TRIM9: variants seen among roughly 807,000 people sequenced by gnomAD.
TRIM9 encodes E3 ubiquitin-protein ligase TRIM9.
TRIM9 carries 26 observed loss-of-function variants against 78.3 expected under a neutral mutation model. The ratio of observed to expected loss-of-function variants is 0.33; its 90% CI spans 0.24 to 0.46. The LOEUF (loss-of-function observed/expected upper bound fraction) is 0.46, where lower values mean the gene tolerates loss of function less well. TRIM9 is among the 20% of genes least tolerant of loss of function. The probability of loss-of-function intolerance (pLI) is 1.00; values close to 1 mark genes in which losing one functional copy is unlikely to be tolerated. For missense variants in TRIM9, 787 were observed against 1,036.4 expected, an observed-to-expected ratio of 0.76 and a Z score of 3.30; for synonymous variants, 398 against 416.5, an observed-to-expected ratio of 0.96 and a Z score of 0.54.
intron 1 of TRIM9, among the ~76,000 whole-genome samples, chr14:51,062,472 A>G (rs937931011): frequency 1.3e-4 from 20 of 152,342 alleles, no homozygotes; most frequent in African/African-American, 4.1e-4. Flanking sequence ...ATAAGTATCA[A>G]TTATAAACCC....
At chr14:51,018,870 T>C (rs2057475823) in intron 3 of TRIM9, among the ~76,000 whole-genome samples, 1 of 152,208 alleles carries the variant, frequency 6.6e-6, no homozygotes, top group African/African-American at 2.4e-5. Flanking sequence ...TCAAAGGTAA[T>C]CAAGAAAATA....
intron 1 of TRIM9, among the ~76,000 whole-genome samples, chr14:51,052,745 G>A (rs1362478653): frequency 1.3e-5 from 2 of 152,132 alleles, no homozygotes; most frequent in Non-Finnish European, 2.9e-5. Flanking sequence ...TTTGACTCCA[G>A]ACACAGACGT....
At chr14:50,977,629 C>G (rs113125682) in intron 12 of TRIM9, among the ~76,000 whole-genome samples, 2 of 152,158 alleles carry the variant, frequency 1.3e-5, no homozygotes, top group African/African-American at 4.8e-5. Context: ...TTCCTTATAA[C>G]TGAAGACACA....
chr14:51,054,790 C>T (rs547594487), intron 1 of TRIM9, among the ~76,000 whole-genome samples: 12 of 151,994 alleles, frequency 7.9e-5, no homozygotes, highest in Non-Finnish European at 1.5e-4. Context: ...CCACCTGCCT[C>T]GGCCTCCCAA....
chr14:51,014,253 T>C (rs2056902639), intron 3 of TRIM9, among the ~76,000 whole-genome samples: 1 of 152,188 alleles, frequency 6.6e-6, no homozygotes, highest in South Asian at 2.1e-4. Context: ...CTGAAGGAGC[T>C]ATCTGAGTGC....
chr14:51,024,133 A>G (rs1057363665), intron 2 of TRIM9, among the ~76,000 whole-genome samples: 13 of 152,194 alleles, frequency 8.5e-5, no homozygotes, highest in African/African-American at 3.1e-4. Context: ...CATGCAGGGT[A>G]ATATTGGAGG....
At chr14:51,072,464 C>T (rs1415718461) in intron 1 of TRIM9, among the ~76,000 whole-genome samples, 1 of 152,012 alleles carries the variant, frequency 6.6e-6, no homozygotes, top group African/African-American at 2.4e-5. Flanking sequence ...AGACAGCTTA[C>T]ACAATACATA....
At chr14:51,020,881 T>C (rs1230000285) in intron 3 of TRIM9, among the ~76,000 whole-genome samples, 2 of 152,226 alleles carry the variant, frequency 1.3e-5, no homozygotes, top group African/African-American at 4.8e-5. Flanking sequence ...ACCATCACCA[T>C]GTGACTGTCG....
At chr14:50,986,530 A>G (rs935816885) in intron 7 of TRIM9, 2 of 156,350 alleles carry the variant, frequency 1.3e-5, no homozygotes, top group African/African-American at 4.8e-5. Flanking sequence ...GGGAGTTACT[A>G]CCTATTCAAC....
Position 50,982,104 on chromosome 14 carries a change from C to G in TRIM9, c.1859-1G>C, listed in dbSNP as rs2052000381. ...CCAGGGTCGAAAGCAAACCAGGCCA[C>G]TGGGAACAACAGAAGGGAATCAGGT... is the stretch of plus-strand genomic sequence containing the variant. On this transcript the variant is annotated splice_acceptor_variant, in intron 10 of 12. Coordinates refer to ENST00000684578, the MANE Select transcript of TRIM9 (RefSeq NM_001387360.1). LOFTEE classifies it high-confidence loss of function. 6.2e-7 allele frequency: 1 copy of G among 1,613,510 alleles called. No homozygotes were observed. The highest frequency in any genetic ancestry group is 8.5e-7 in the Non-Finnish European group (1 of 1,179,588).
Position 50,987,316 on chromosome 14 carries a change from G to C in TRIM9, c.1604-1172C>G, listed in dbSNP as rs1247372383. The stretch of plus-strand genomic sequence containing the variant: ...GTTGAAGCAAAAATAACTGGAGCAC[G>C]TGTGTGTGCAGAATATCATCCTATG... On this transcript the variant is annotated intron_variant, in intron 7 of 12. Transcript: ENST00000684578. Among the ~76,000 whole-genome samples the C allele has an allele frequency of 3.9e-5, 6 of 152,182 alleles. No individual in the cohort carries two copies. In the East Asian group the frequency reaches 1.2e-3, roughly 29 times the overall value.
intron 2 of TRIM9, among the ~76,000 whole-genome samples, chr14:51,024,536 G>C (rs73288863): frequency 4.4e-4 from 67 of 152,312 alleles, no homozygotes; most frequent in African/African-American, 1.5e-3. Flanking sequence ...ACATAAGAAT[G>C]CTAAACAGTA....
At chr14:51,021,751 C>T (rs2057780365) in intron 3 of TRIM9, among the ~76,000 whole-genome samples, 1 of 152,192 alleles carries the variant, frequency 6.6e-6, no homozygotes, top group African/African-American at 2.4e-5. Context: ...TTGCTCTTCC[C>T]ATGCATTCAT....
At chr14:50,978,022 A>G (rs1294303740) in intron 12 of TRIM9, among the ~76,000 whole-genome samples, 2 of 152,090 alleles carry the variant, frequency 1.3e-5, no homozygotes, top group African/African-American at 4.8e-5. Flanking sequence ...GCTAATGTGA[A>G]AAACCTTGAA....
intron 8 of TRIM9, 26 bp downstream of exon 8, chr14:50,985,930 G>C (rs1566545778): frequency 1.4e-6 from 2 of 1,460,146 alleles, no homozygotes; most frequent in Non-Finnish European, 1.8e-6. Context: ...GAGATCAAGG[G>C]GAAAGGTCTG....
intron 7 of TRIM9, among the ~76,000 whole-genome samples, chr14:50,990,336 T>C (rs996286507): frequency 6.6e-5 from 10 of 152,192 alleles, no homozygotes; most frequent in African/African-American, 2.4e-4. Context: ...CTTTTATTTG[T>C]TCATTAGCCA....
At chr14:51,088,237 C>T (rs952115205) in intron 1 of TRIM9, among the ~76,000 whole-genome samples, 1 of 152,148 alleles carries the variant, frequency 6.6e-6, no homozygotes, top group Non-Finnish European at 1.5e-5. Context: ...CTAATAACTA[C>T]CTGAACTAGT....
intron 1 of TRIM9, among the ~76,000 whole-genome samples, chr14:51,075,751 C>T (rs1229348317): frequency 1.3e-5 from 2 of 152,160 alleles, no homozygotes; most frequent in African/African-American, 4.8e-5. Context: ...CAAAACTTCC[C>T]AAGGCGGGGA....
chr14:51,020,549 C>T (rs2057658630), intron 3 of TRIM9, among the ~76,000 whole-genome samples: 1 of 152,244 alleles, frequency 6.6e-6, no homozygotes, highest in Admixed American at 6.5e-5. Context: ...CCAAATGCAT[C>T]CGCATTCCCT....
Sources: gnomAD v4.1 joint callset for allele counts (sites outside exome capture counted in the v4.1 genomes callset) on GRCh38, gnomAD v4.1.1 for gene constraint, MANE v1.5 for transcripts, NCBI Gene and HGNC (gene_info 2026-07-23, HGNC 2026-07-21) for gene names.